ABCC4: variants seen among roughly 807,000 people sequenced by gnomAD.
The protein encoded by ABCC4 is ATP binding cassette subfamily C member 4 (PEL blood group).
Under a neutral mutation model 168.5 loss-of-function variants are expected in ABCC4, and 102 were observed. The ratio of observed to expected loss-of-function variants is 0.61; its 90% confidence interval spans 0.52 to 0.71. The LOEUF is 0.71. ABCC4 is among the 30% of genes least tolerant of loss of function. The pLI, the probability that ABCC4 is intolerant of heterozygous loss-of-function variation, is 0.00. For missense variants in ABCC4, 1,402 were observed against 1,605.8 expected (o/e 0.87, Z 2.17); for synonymous variants, 617 against 590.7 (o/e 1.04, Z -0.65).
At chr13:95,275,602 C>G (rs17300935) in intron 1 of ABCC4, among the ~76,000 whole-genome samples, 23,870 of 113,392 alleles carry the variant, frequency 0.21, 2,422 homozygotes, top group East Asian at 0.42. Context: ...ATGTTTAGGA[C>G]TCTTGGCGGT....
intron 14 of ABCC4, chr13:95,170,228 T>A (rs2037420967): frequency 4.0e-6 from 1 of 248,764 alleles, no homozygotes; most frequent in Non-Finnish European, 7.7e-6. Context: ...CAAACAGGTC[T>A]TAGAGTCTGT....
intron 3 of ABCC4, among the ~76,000 whole-genome samples, chr13:95,241,127 G>A (rs2138782659): frequency 6.6e-6 from 1 of 152,182 alleles, no homozygotes; most frequent in Middle Eastern, 3.4e-3. Flanking sequence ...CACTCTGGGA[G>A]GCCAAGGTGG....
At chr13:95,229,496 C>G (rs1236524907) in intron 4 of ABCC4, among the ~76,000 whole-genome samples, 3 of 152,184 alleles carry the variant, frequency 2.0e-5, no homozygotes, top group Admixed American at 1.3e-4. Context: ...GTAGCTTTAC[C>G]TGGCATTCAG....
intron 1 of ABCC4, among the ~76,000 whole-genome samples, chr13:95,288,311 G>A (rs895750411): frequency 3.9e-5 from 6 of 152,232 alleles, no homozygotes; most frequent in African/African-American, 1.4e-4. Flanking sequence ...TCAAGAAATT[G>A]AGATTAAGAC....
Position 95,234,604 on chromosome 13 carries a change from A to C in ABCC4, c.531+6T>G. 6.2e-7 allele frequency: 1 copy of C among 1,610,132 alleles called. No individual in the cohort carries two copies. Among genetic ancestry groups the C allele is most frequent in the Non-Finnish European group, 8.5e-7 (1 of 1,176,512 alleles). On this transcript the variant is annotated splice_donor_region_variant and intron_variant, in intron 4 of 30. Transcript: ENST00000645237. ...AGGTACATGTTTAATGCTGAATGTCACTTACCTTCCGATAAATCATATGGC... is the reference window on the plus strand; with the variant it reads ...AGGTACATGTTTAATGCTGAATGTCCCTTACCTTCCGATAAATCATATGGC...
At chr13:95,292,079 C>G (rs1259053874) in intron 1 of ABCC4, among the ~76,000 whole-genome samples, 1 of 152,084 alleles carries the variant, frequency 6.6e-6, no homozygotes, top group Non-Finnish European at 1.5e-5. Context: ...AACTCCTGTC[C>G]AGGCACCATG....
chr13:95,261,257 T>C (rs1441715140), intron 1 of ABCC4, among the ~76,000 whole-genome samples: 1 of 151,752 alleles, frequency 6.6e-6, no homozygotes, highest in Non-Finnish European at 1.5e-5. Flanking sequence ...AGACCAGCCT[T>C]GACCAAAATA....
intron 30 of ABCC4, 138 bp downstream of exon 30, chr13:95,034,467 C>G (rs2032032324): frequency 7.8e-7 from 1 of 1,281,100 alleles, no homozygotes; most frequent in Admixed American, 2.9e-5. Context: ...GCCGTTAAGA[C>G]CCACTCATGA....
At chr13:95,273,357 G>A (rs1316979972) in intron 1 of ABCC4, among the ~76,000 whole-genome samples, 3 of 152,164 alleles carry the variant, frequency 2.0e-5, no homozygotes, top group Non-Finnish European at 4.4e-5. Context: ...CGGCCTGGAT[G>A]GGCGTGGGGT....
At chr13:95,205,004 G>T (rs1000086022) in intron 8 of ABCC4, among the ~76,000 whole-genome samples, 1 of 152,160 alleles carries the variant, frequency 6.6e-6, no homozygotes, top group Non-Finnish European at 1.5e-5. Flanking sequence ...TGCACACTCA[G>T]AAAGATACTC....
chr13:95,296,582 A>T (rs868514458), intron 1 of ABCC4, among the ~76,000 whole-genome samples: 1 of 152,116 alleles, frequency 6.6e-6, no homozygotes, highest in Non-Finnish European at 1.5e-5. Context: ...CAGGGGAGCA[A>T]GGATTTAACC....
In ABCC4 at chr13:95,185,519, A is replaced by G. The variant is rs7995339; in HGVS notation, c.1545+1182T>C. 6.8e-4 allele frequency among the ~76,000 whole-genome samples: 103 copies of G among 152,344 alleles called. 1 individual carries two copies. The East Asian group carries it at 0.013, about 19-fold the overall frequency. On this transcript the variant is annotated intron_variant, in intron 11 of 30. Transcript: ENST00000645237. Reference sequence around the variant, plus strand: ...CTGATATTCCAGCCATTGTTCAAGCAAAATTACTCATTCCTCACAAACCTG... The same window carrying G: ...CTGATATTCCAGCCATTGTTCAAGCGAAATTACTCATTCCTCACAAACCTG...
intron 5 of ABCC4, among the ~76,000 whole-genome samples, chr13:95,210,081 G>C (rs963244097): frequency 6.6e-6 from 1 of 152,242 alleles, no homozygotes; most frequent in Admixed American, 6.5e-5. Flanking sequence ...AGTTCATTCT[G>C]ATGAATGAAT....
At chr13:95,239,724 A>G (rs900921195) in intron 3 of ABCC4, among the ~76,000 whole-genome samples, 2 of 152,280 alleles carry the variant, frequency 1.3e-5, no homozygotes, top group Non-Finnish European at 2.9e-5. Flanking sequence ...CTCCACAGGA[A>G]AATGCTGGAG....
At chr13:95,279,236 A>G (rs4148424) in intron 1 of ABCC4, among the ~76,000 whole-genome samples, 106,413 of 152,070 alleles carry the variant, frequency 0.7, 38,762 homozygotes, top group Middle Eastern at 0.83. Context: ...TAAAATGCAC[A>G]CTGGAGTATG....
At chr13:95,057,865 G>A (rs1264384098) in intron 26 of ABCC4, among the ~76,000 whole-genome samples, 1 of 152,240 alleles carries the variant, frequency 6.6e-6, no homozygotes, top group Non-Finnish European at 1.5e-5. Context: ...CTACATCAGT[G>A]TGTGGTGACA....
intron 27 of ABCC4, 114 bp downstream of exon 27, chr13:95,052,981 G>A (rs1010618027): frequency 2.4e-6 from 2 of 848,226 alleles, no homozygotes; most frequent in South Asian, 1.5e-5. Context: ...CTCCTGGGTG[G>A]TGAACAAAGT....
chr13:95,025,208 A>AC (rs1254150411), intron 30 of ABCC4, among the ~76,000 whole-genome samples: 1,224 of 31,602 alleles, frequency 0.039, 49 homozygotes, highest in African/African-American at 0.15. Context: ...ACACCCCCAC[A>AC]CCCCCCACAC....
chr13:95,119,237 G>A (rs1362732106), intron 19 of ABCC4, among the ~76,000 whole-genome samples: 1 of 152,052 alleles, frequency 6.6e-6, no homozygotes, highest in African/African-American at 2.4e-5. Flanking sequence ...GTAGATTTTT[G>A]GGAGCTGGAC....
Sources: gnomAD v4.1 joint callset for allele counts (sites outside exome capture counted in the v4.1 genomes callset) on GRCh38, gnomAD v4.1.1 for gene constraint, MANE v1.5 for transcripts, NCBI Gene and HGNC (gene_info 2026-07-23, HGNC 2026-07-21) for gene names.